Variants in SEMA5A observed in about 807,000 individuals in gnomAD.
SEMA5A encodes the protein semaphorin-5A.
A neutral mutation model predicts 135.5 loss-of-function variants in SEMA5A; 55 were observed. The ratio of observed to expected loss-of-function variants is 0.41; its 90% CI spans 0.33 to 0.51. The LOEUF is 0.51. Among genes scored for constraint, SEMA5A ranks in the 20% least tolerant of loss-of-function variants. SEMA5A has a pLI of 0.37. For missense variants in SEMA5A, 1,290 were observed against 1,419.9 expected (o/e 0.91, Z 1.47); for synonymous variants, 580 against 546.5 (o/e 1.06, Z -0.85).
intron 1 of SEMA5A, among the ~76,000 whole-genome samples, chr5:9,503,527 G>A (rs543964478): frequency 6.6e-6 from 1 of 152,336 alleles, no homozygotes; most frequent in Non-Finnish European, 1.5e-5. Context: ...CTACTGAGCA[G>A]ATTCATCCAC....
At chr5:9,480,683 G>A (rs1304383863) in intron 1 of SEMA5A, among the ~76,000 whole-genome samples, 1 of 152,170 alleles carries the variant, frequency 6.6e-6, no homozygotes, top group African/African-American at 2.4e-5. Flanking sequence ...GAGGGAAACA[G>A]GCTGGGAACA....
chr5:9,520,034 G>A (rs1038237236), intron 1 of SEMA5A: 1 of 152,230 alleles, frequency 6.6e-6, no homozygotes. Context: ...ACAAGTTTAT[G>A]GGAAAAGCCA....
chr5:9,372,484 T>C (rs1028738730), intron 3 of SEMA5A, among the ~76,000 whole-genome samples: 1 of 151,696 alleles, frequency 6.6e-6, no homozygotes, highest in Non-Finnish European at 1.5e-5. Flanking sequence ...GTTGTGAACA[T>C]GCCTAGAACT....
At chr5:9,399,529 A>C (rs899981661) in intron 2 of SEMA5A, among the ~76,000 whole-genome samples, 4 of 152,164 alleles carry the variant, frequency 2.6e-5, no homozygotes, top group African/African-American at 9.7e-5. Context: ...GAATGTTCTA[A>C]ATTTAGATAA....
chr5:9,165,513 C>T (rs1459657747), intron 11 of SEMA5A, among the ~76,000 whole-genome samples: 1 of 152,102 alleles, frequency 6.6e-6, no homozygotes, highest in Non-Finnish European at 1.5e-5. Context: ...ACAAGTGGCA[C>T]CCCTGACAAT....
At chr5:9,236,363 C>T (rs1747909314) in intron 6 of SEMA5A, among the ~76,000 whole-genome samples, 1 of 152,130 alleles carries the variant, frequency 6.6e-6, no homozygotes, top group Non-Finnish European at 1.5e-5. Context: ...CTCCAGGTCC[C>T]ATCTCATTCC....
At chr5:9,254,770 G>A (rs766265573) in intron 5 of SEMA5A, among the ~76,000 whole-genome samples, 5 of 152,126 alleles carry the variant, frequency 3.3e-5, no homozygotes, top group Admixed American at 6.6e-5. Flanking sequence ...GCAAGTAAAG[G>A]AGCTAAGATT....
At chr5:9,217,959 C>T (rs527877357) in intron 8 of SEMA5A, among the ~76,000 whole-genome samples, 2 of 152,150 alleles carry the variant, frequency 1.3e-5, no homozygotes, top group Admixed American at 1.3e-4. Flanking sequence ...AACTTCATTC[C>T]TATCCATATT....
chr5:9,075,670 G>A (rs1379202147), intron 16 of SEMA5A, among the ~76,000 whole-genome samples: 1 of 152,050 alleles, frequency 6.6e-6, no homozygotes, highest in Non-Finnish European at 1.5e-5. Context: ...AGGGAGTACT[G>A]GGACGGGTAT....
At chr5:9,416,720 G>A (rs1039169222) in intron 2 of SEMA5A, among the ~76,000 whole-genome samples, 2 of 152,302 alleles carry the variant, frequency 1.3e-5, no homozygotes, top group Admixed American at 6.5e-5. Context: ...TTCAAAACCA[G>A]GGGCAATTTT....
At chr5:9,134,729 T>A (rs542553089) in intron 13 of SEMA5A, among the ~76,000 whole-genome samples, 1 of 152,228 alleles carries the variant, frequency 6.6e-6, no homozygotes, top group Admixed American at 6.5e-5. Context: ...TATTATCTTG[T>A]GCCTTTTTTA....
intron 19 of SEMA5A, among the ~76,000 whole-genome samples, chr5:9,052,910 C>T (rs766758089): frequency 6.2e-4 from 94 of 152,188 alleles, no homozygotes; most frequent in Middle Eastern, 6.8e-3. Context: ...ATAGAAGCAT[C>T]CACTTTGTAG....
At chr5:9,370,165 TTGAGTGGCA>T (rs1755075942) in intron 3 of SEMA5A, among the ~76,000 whole-genome samples, 2 of 152,222 alleles carry the variant, frequency 1.3e-5, no homozygotes, top group South Asian at 4.1e-4. Context: ...AGCCAGAGAA[TTGAGTGGCA>T]CAAAAAATCA....
At chr5:9,307,495 T>C (rs1561130317) in intron 5 of SEMA5A, among the ~76,000 whole-genome samples, 1 of 152,172 alleles carries the variant, frequency 6.6e-6, no homozygotes. Context: ...GACTTTTTTT[T>C]TTTTCATTTA....
chr5:9,199,094 A>C (rs1419866671), intron 9 of SEMA5A, among the ~76,000 whole-genome samples: 1 of 152,076 alleles, frequency 6.6e-6, no homozygotes, highest in Admixed American at 6.5e-5. Flanking sequence ...ATGGGGCCCC[A>C]GGTTTCCAGG....
intron 14 of SEMA5A, among the ~76,000 whole-genome samples, chr5:9,120,581 C>T (rs1463995185): frequency 6.6e-6 from 1 of 152,046 alleles, no homozygotes; most frequent in Non-Finnish European, 1.5e-5. Context: ...TTATACCCTG[C>T]TACCTAAAAT....
chr5:9,462,174 C>T (rs575135347), intron 1 of SEMA5A, among the ~76,000 whole-genome samples: 1 of 152,114 alleles, frequency 6.6e-6, no homozygotes, highest in Non-Finnish European at 1.5e-5. Flanking sequence ...CTTACATGAG[C>T]ACACTTTTTA....
At chr5:9,109,623 A>C (rs1198492165) in intron 15 of SEMA5A, among the ~76,000 whole-genome samples, 1 of 152,136 alleles carries the variant, frequency 6.6e-6, no homozygotes, top group African/African-American at 2.4e-5. Flanking sequence ...CAAGAGGCAA[A>C]GGTTCCCATC....
At chr5:9,533,676 C>T (rs1243493832) in intron 1 of SEMA5A, among the ~76,000 whole-genome samples, 1 of 152,200 alleles carries the variant, frequency 6.6e-6, no homozygotes, top group Admixed American at 6.5e-5. Flanking sequence ...CAAAGCATTT[C>T]AAACATGCAG....
Sources: allele counts gnomAD v4.1 joint callset (sites outside exome capture counted in the v4.1 genomes callset), GRCh38; gene constraint gnomAD v4.1.1; transcripts MANE v1.5; gene names NCBI Gene and HGNC (gene_info 2026-07-23, HGNC 2026-07-21).